The following VPS13B variants were observed in gnomAD, a reference collection of about 807,000 sequenced individuals.
VPS13B encodes the protein intermembrane lipid transfer protein VPS13B.
Under a neutral mutation model 426.4 loss-of-function variants are expected in VPS13B, and 285 were observed. The observed-to-expected ratio is 0.67, with a 90% CI of 0.61 to 0.74. The LOEUF is 0.74. Ranked by LOEUF, VPS13B falls within the 30% of genes least tolerant of loss-of-function variation. VPS13B has a pLI of 0.00. For missense variants in VPS13B, 4,537 were observed against 4,782.6 expected, an observed-to-expected ratio of 0.95 and a Z score of 1.51; for synonymous variants, 1,676 against 1,676.4, an observed-to-expected ratio of 1.00 and a Z score of 0.01.
At chr8:99,673,249 A>C (rs1329698275) in intron 35 of VPS13B, among the ~76,000 whole-genome samples, 1 of 152,062 alleles carries the variant, frequency 6.6e-6, no homozygotes, top group East Asian at 1.9e-4. Context: ...TGGTGAAGTC[A>C]TTGGACCCTG....
chr8:99,450,874 G>T (rs904418871), intron 23 of VPS13B, among the ~76,000 whole-genome samples: 6 of 151,716 alleles, frequency 4.0e-5, no homozygotes, highest in African/African-American at 7.3e-5. Context: ...GATTCATGAT[G>T]GAATAGACCA....
chr8:99,391,752 A>T, intron 21 of VPS13B, 48 bp downstream of exon 21: 1 of 1,599,862 alleles, frequency 6.3e-7, no homozygotes. Flanking sequence ...TCTACTTCTA[A>T]GCTAGCAAGT....
At chr8:99,560,634 T>C (rs771408994) in intron 31 of VPS13B, among the ~76,000 whole-genome samples, 3 of 152,126 alleles carry the variant, frequency 2.0e-5, no homozygotes, top group Non-Finnish European at 4.4e-5. Context: ...CCAGCCAGGG[T>C]AAATTTCAGA....
intron 35 of VPS13B, among the ~76,000 whole-genome samples, chr8:99,682,379 C>A (rs1012067185): frequency 6.6e-6 from 1 of 152,112 alleles, no homozygotes; most frequent in African/African-American, 2.4e-5. Context: ...ATTAGGCTAT[C>A]TAAAAATTAG....
At chr8:99,493,846 C>T (rs1251186050) in intron 25 of VPS13B, among the ~76,000 whole-genome samples, 1 of 148,856 alleles carries the variant, frequency 6.7e-6, no homozygotes, top group Non-Finnish European at 1.5e-5. Context: ...ATGGTAAGGA[C>T]CATATGGACA....
intron 19 of VPS13B, among the ~76,000 whole-genome samples, chr8:99,370,996 C>A (rs551578404): frequency 6.6e-6 from 1 of 152,252 alleles, no homozygotes; most frequent in East Asian, 1.9e-4. Context: ...AAATAACTCA[C>A]CACCAAATCA....
chr8:99,149,779 C>CTCCG (rs1563569217), intron 14 of VPS13B, among the ~76,000 whole-genome samples: 1 of 152,108 alleles, frequency 6.6e-6, no homozygotes, highest in Non-Finnish European at 1.5e-5. Context: ...ACCACCTGAG[C>CTCCG]TCCGCCTCCT....
At chr8:99,233,696 C>G in intron 17 of VPS13B, 6 of 792,668 alleles carry the variant, frequency 7.6e-6, no homozygotes, top group Non-Finnish European at 1.4e-5. Context: ...GTTGCATATG[C>G]TCAAATCCTG....
chr8:99,080,793 A>G (rs1013324077), intron 3 of VPS13B, among the ~76,000 whole-genome samples: 1 of 152,204 alleles, frequency 6.6e-6, no homozygotes, highest in African/African-American at 2.4e-5. Context: ...CTGTCTTAGC[A>G]TTAGATTTCT....
chr8:99,502,724 C>T (rs1304454970), intron 26 of VPS13B, 112 bp from the exon 27 acceptor site: 5 of 834,156 alleles, frequency 6.0e-6, no homozygotes, highest in South Asian at 1.4e-5. Context: ...TTTGTGATCT[C>T]AGCGCCTCTG....
At chr8:99,821,047 A>G (rs556446368) in intron 49 of VPS13B, among the ~76,000 whole-genome samples, 3 of 119,086 alleles carry the variant, frequency 2.5e-5, no homozygotes, top group Non-Finnish European at 5.3e-5. Context: ...TTCCATTGTG[A>G]GTAAAAAAAA....
At chr8:99,429,331 G>T (rs1588369383) in intron 21 of VPS13B, among the ~76,000 whole-genome samples, 1 of 150,192 alleles carries the variant, frequency 6.7e-6, no homozygotes, top group South Asian at 2.1e-4. Context: ...GATATCTGAT[G>T]AAAAGGATAT....
intron 23 of VPS13B, among the ~76,000 whole-genome samples, chr8:99,451,863 G>A (rs1375661800): frequency 1.3e-5 from 2 of 152,152 alleles, no homozygotes; most frequent in Non-Finnish European, 2.9e-5. Context: ...TGTATCAAAC[G>A]GTGTTTAAAG....
intron 21 of VPS13B, among the ~76,000 whole-genome samples, chr8:99,420,862 A>G (rs1485220151): frequency 2.0e-5 from 3 of 152,194 alleles, no homozygotes; most frequent in African/African-American, 7.2e-5. Flanking sequence ...AACTAAAACA[A>G]TGAGTTGATT....
At chr8:99,558,400 A>G (rs1256754806) in intron 31 of VPS13B, among the ~76,000 whole-genome samples, 1 of 144,280 alleles carries the variant, frequency 6.9e-6, no homozygotes, top group African/African-American at 2.6e-5. Flanking sequence ...AGTAGACATC[A>G]TGTTTTCTTT....
chr8:99,615,399 G>C (rs1467118644), intron 33 of VPS13B, among the ~76,000 whole-genome samples: 1 of 152,066 alleles, frequency 6.6e-6, no homozygotes, highest in Non-Finnish European at 1.5e-5. Context: ...ATAAATTTGG[G>C]ATAGTACTCC....
chr8:99,501,953 C>T, intron 26 of VPS13B, 95 bp downstream of exon 26: 2 of 1,174,562 alleles, frequency 1.7e-6, no homozygotes, highest in Non-Finnish European at 2.4e-6. Flanking sequence ...TCTTTTCTGT[C>T]TGTCTGTCTG....
chr8:99,107,739 G>T (rs1847121185), intron 5 of VPS13B, among the ~76,000 whole-genome samples: 1 of 152,256 alleles, frequency 6.6e-6, no homozygotes, highest in East Asian at 1.9e-4. Flanking sequence ...AACTGCATAT[G>T]TAAACATTCA....
At chr8:99,696,669 A>G in intron 35 of VPS13B, 1 of 740,200 alleles carries the variant, frequency 1.4e-6, no homozygotes, top group Non-Finnish European at 2.5e-6. Context: ...CATCGAGGAG[A>G]GGACCTTGAA....
Sources: allele counts gnomAD v4.1 joint callset (sites outside exome capture counted in the v4.1 genomes callset), GRCh38; gene constraint gnomAD v4.1.1; transcripts MANE v1.5; gene names NCBI Gene and HGNC (gene_info 2026-07-23, HGNC 2026-07-21).